The following NTM variants were observed in gnomAD, a reference collection of about 807,000 sequenced individuals.
NTM encodes the protein neurotrimin, also known as IgLON family member 2.
Under a neutral mutation model 42.1 loss-of-function variants are expected in NTM, and 13 were observed. The ratio of observed to expected loss-of-function variants is 0.31; its 90% CI spans 0.20 to 0.49. NTM has a LOEUF of 0.49. NTM is among the 20% of genes least tolerant of loss of function. The pLI is 0.99. For synonymous variants in NTM, 187 were observed against 179.2 expected (o/e 1.04, Z -0.35); for missense variants, 373 against 452.8 (o/e 0.82, Z 1.60).
intron 1 of NTM, among the ~76,000 whole-genome samples, chr11:131,489,381 A>C (rs967702955): frequency 6.6e-5 from 10 of 152,264 alleles, no homozygotes; most frequent in Non-Finnish European, 1.0e-4. Flanking sequence ...AATTCTCTTT[A>C]AAATATTATG....
At chr11:131,380,491 G>T (rs546554490) in intron 1 of NTM, among the ~76,000 whole-genome samples, 1 of 152,072 alleles carries the variant, frequency 6.6e-6, no homozygotes, top group Admixed American at 6.5e-5. Flanking sequence ...GATTACAGGC[G>T]TGAGCTACCG....
At chr11:131,657,177 T>C (rs1430310670) in intron 1 of NTM, among the ~76,000 whole-genome samples, 1 of 143,946 alleles carries the variant, frequency 6.9e-6, no homozygotes, top group Non-Finnish European at 1.5e-5. Context: ...TCGAAATGGG[T>C]CAGGTGAGGG....
chr11:131,810,936 G>A (rs1014392918), intron 1 of NTM, among the ~76,000 whole-genome samples: 2 of 152,204 alleles, frequency 1.3e-5, no homozygotes, highest in Non-Finnish European at 2.9e-5. Context: ...AGCTTATGGT[G>A]TGATGTAATA....
intron 1 of NTM, among the ~76,000 whole-genome samples, chr11:131,519,449 CA>C (rs1256255501): frequency 6.7e-6 from 1 of 149,192 alleles, no homozygotes; most frequent in Non-Finnish European, 1.5e-5. Context: ...TAGGAGGCTG[CA>C]TCTTTAGTTT....
intron 4 of NTM, among the ~76,000 whole-genome samples, chr11:132,254,812 C>T (rs1036881391): frequency 2.0e-5 from 3 of 152,140 alleles, no homozygotes; most frequent in Non-Finnish European, 2.9e-5. Flanking sequence ...GATTCTCCAG[C>T]CTGGGGTTCT....
chr11:132,102,885 A>G (rs2061794592), intron 2 of NTM, among the ~76,000 whole-genome samples: 1 of 152,170 alleles, frequency 6.6e-6, no homozygotes, highest in Non-Finnish European at 1.5e-5. Context: ...GCCTGCCCCA[A>G]CAGTTACAGG....
At chr11:131,858,214 T>A (rs1170069347) in intron 1 of NTM, among the ~76,000 whole-genome samples, 1 of 152,218 alleles carries the variant, frequency 6.6e-6, no homozygotes, top group African/African-American at 2.4e-5. Flanking sequence ...TTTTCATTTC[T>A]TTTCATTGGC....
intron 1 of NTM, among the ~76,000 whole-genome samples, chr11:131,640,859 A>G (rs747873562): frequency 1.1e-4 from 16 of 152,244 alleles, no homozygotes; most frequent in Non-Finnish European, 1.6e-4. Flanking sequence ...CTCCACATCA[A>G]TAACTAAAGG....
At chr11:132,122,657 G>T (rs2065037407) in intron 2 of NTM, among the ~76,000 whole-genome samples, 1 of 152,172 alleles carries the variant, frequency 6.6e-6, no homozygotes, top group African/African-American at 2.4e-5. Context: ...AAGGGAAGGG[G>T]TACCTCAGAG....
chr11:131,723,657 A>G (rs922253828), intron 1 of NTM, among the ~76,000 whole-genome samples: 6 of 152,192 alleles, frequency 3.9e-5, no homozygotes, highest in Admixed American at 3.9e-4. Context: ...TTGGGCCATC[A>G]TCTCCCAAGC....
chr11:131,750,258 C>T (rs556507729), intron 1 of NTM, among the ~76,000 whole-genome samples: 2 of 152,248 alleles, frequency 1.3e-5, no homozygotes, highest in African/African-American at 4.8e-5. Flanking sequence ...ATCTACACAT[C>T]TGTGTGTGGT....
At chr11:131,701,218 A>C (rs2076040845) in intron 1 of NTM, among the ~76,000 whole-genome samples, 2 of 152,232 alleles carry the variant, frequency 1.3e-5, no homozygotes, top group African/African-American at 4.8e-5. Flanking sequence ...ACCTATATGC[A>C]TGACTTGGGC....
chr11:131,546,219 G>A lies in NTM; in HGVS notation c.82+175331G>A, dbSNP rs566651459. On this transcript the variant is annotated intron_variant, in intron 1 of 8. Coordinates refer to ENST00000683400, the MANE Select transcript of NTM (RefSeq NM_001352005.2). ...CTGAAGCTTTGTTTCCTATCCCTTC[G>A]CTTTAAAATAGGTTGAGTATAAGCT... 1.8e-3 allele frequency among the ~76,000 whole-genome samples: 275 copies of A among 152,184 alleles called. 1 individual carries two copies. The highest frequency in any genetic ancestry group is 5.4e-3 in the African/African-American group (226 of 41,514).
intron 1 of NTM, among the ~76,000 whole-genome samples, chr11:131,383,914 A>T (rs1484976489): frequency 6.6e-6 from 1 of 152,186 alleles, no homozygotes; most frequent in Admixed American, 6.5e-5. Flanking sequence ...AGGTCACCAG[A>T]GTGACAGTTG....
intron 2 of NTM, among the ~76,000 whole-genome samples, chr11:132,028,628 G>C (rs2075512115): frequency 6.6e-6 from 1 of 152,094 alleles, no homozygotes; most frequent in South Asian, 2.1e-4. Context: ...CTGTGCCCCT[G>C]CGCCGTGAGC....
intron 8 of NTM, among the ~76,000 whole-genome samples, chr11:132,333,173 G>C (rs971688916): frequency 7.2e-5 from 11 of 152,142 alleles, no homozygotes; most frequent in African/African-American, 2.2e-4. Flanking sequence ...AACACTCACA[G>C]TGTTGAGGCA....
chr11:131,969,197 C>A (rs570345951), intron 2 of NTM, among the ~76,000 whole-genome samples: 7 of 152,308 alleles, frequency 4.6e-5, no homozygotes, highest in South Asian at 2.1e-4. Context: ...CTTTCCTCCT[C>A]AAGGCTCAGT....
intron 2 of NTM, among the ~76,000 whole-genome samples, chr11:131,951,291 G>A (rs565526665): frequency 2.0e-5 from 3 of 152,032 alleles, no homozygotes; most frequent in South Asian, 2.1e-4. Flanking sequence ...GAGCCTTCTC[G>A]GCAGATGGAC....
chr11:132,314,862 A>G (rs1439759414), intron 7 of NTM, 159 bp downstream of exon 7: 1 of 1,376,286 alleles, frequency 7.3e-7, no homozygotes, highest in South Asian at 1.9e-5. Flanking sequence ...AGAAATGGAG[A>G]GAGAGGGACA....
Sources: gnomAD v4.1 joint callset for allele counts (sites outside exome capture counted in the v4.1 genomes callset) on GRCh38, gnomAD v4.1.1 for gene constraint, MANE v1.5 for transcripts, NCBI Gene and HGNC (gene_info 2026-07-23, HGNC 2026-07-21) for gene names.